Variants in ZNHIT6 observed in about 807,000 individuals in gnomAD.
The protein encoded by ZNHIT6 is box C/D snoRNA protein 1.
A neutral mutation model predicts 57.2 loss-of-function variants in ZNHIT6; 45 were observed. The observed-to-expected ratio is 0.79, with a 90% CI of 0.62 to 1.01. ZNHIT6 has a LOEUF of 1.01. ZNHIT6 is among the 50% of genes least tolerant of loss of function. The pLI is 0.00. For synonymous variants in ZNHIT6, 188 were observed against 190.0 expected (o/e 0.99, Z 0.09); for missense variants, 528 against 567.3 (o/e 0.93, Z 0.70).
At chr1:85,662,887 G>A (rs1661266745) in intron 8 of ZNHIT6, among the ~76,000 whole-genome samples, 1 of 152,236 alleles carries the variant, frequency 6.6e-6, no homozygotes, top group African/African-American at 2.4e-5. Flanking sequence ...CTATGGATGT[G>A]GTTAAATAAA....
chr1:85,666,539 G>C (rs1661375483), intron 8 of ZNHIT6, among the ~76,000 whole-genome samples: 1 of 151,886 alleles, frequency 6.6e-6, no homozygotes, highest in Non-Finnish European at 1.5e-5. Context: ...TCAAATACAG[G>C]CTCTCAAACT....
At chr1:85,655,742 A>G (rs994025688) in intron 9 of ZNHIT6, among the ~76,000 whole-genome samples, 1 of 152,182 alleles carries the variant, frequency 6.6e-6, no homozygotes, top group Non-Finnish European at 1.5e-5. Context: ...AAGGTAGGTA[A>G]TCAGCACTTA....
chr1:85,707,001 C>T (rs187260773), intron 1 of ZNHIT6, among the ~76,000 whole-genome samples: 1 of 152,270 alleles, frequency 6.6e-6, no homozygotes, highest in Admixed American at 6.5e-5. Flanking sequence ...TCTAGAAATG[C>T]CATGTAACCC....
chr1:85,705,827 C>T (rs1483856564), intron 4 of ZNHIT6, among the ~76,000 whole-genome samples: 1 of 152,076 alleles, frequency 6.6e-6, no homozygotes, highest in East Asian at 1.9e-4. Flanking sequence ...TCTCTTGAGC[C>T]TTCTTTATTT....
At chr1:85,679,402 T>C (rs1179320266) in intron 6 of ZNHIT6, among the ~76,000 whole-genome samples, 1 of 152,134 alleles carries the variant, frequency 6.6e-6, no homozygotes, top group Admixed American at 6.5e-5. Context: ...CTTTTCCTTG[T>C]ATGCAACTCC....
In ZNHIT6 at chr1:85,708,037, A is replaced by C. The variant is rs1307998200; in HGVS notation, c.248T>G (p.Ile83Arg). Residue 83 changes from isoleucine (I) to arginine (R), a missense_variant, in exon 1 of 10, where the codon ATA becomes AGA. Ile to Arg is a moderately conservative substitution (Grantham distance 97). Coordinates refer to ENST00000370574, the MANE Select transcript of ZNHIT6 (RefSeq NM_017953.4). ...MDLTVVKQEI[I>R]DWPGTEGRLA... ...CCTGCCTTCTGTACCTGGCCAGTCT[A>C]TAATTTCCTGCTTCACTACCGTTAG... is the stretch of plus-strand genomic sequence containing the variant. The C allele has an allele frequency of 1.2e-6, 2 of 1,614,020 alleles. No homozygotes were observed. The highest frequency in any genetic ancestry group is 1.7e-6 in the Non-Finnish European group (2 of 1,179,986).
rs918884093 is a variant in ZNHIT6, at chr1:85,657,275, T to G, written c.1372+572A>C. Among the ~76,000 whole-genome samples, 3 of 152,058 alleles carry G rather than the reference T, an allele frequency of 2.0e-5. No individual in the cohort carries two copies. In the South Asian group the frequency reaches 6.2e-4, roughly 32 times the overall value. ...ATATCACAAAATCAGAGAAACAAAA[T>G]CAGAGAAAATAAAACCAGTGGGTTT... is the stretch of plus-strand genomic sequence containing the variant. On this transcript the variant is annotated intron_variant, in intron 9 of 9. Coordinates refer to ENST00000370574, the MANE Select transcript of ZNHIT6 (RefSeq NM_017953.4).
At chr1:85,676,208 T>C (rs1416006319) in intron 8 of ZNHIT6, among the ~76,000 whole-genome samples, 3 of 151,960 alleles carry the variant, frequency 2.0e-5, no homozygotes, top group Non-Finnish European at 4.4e-5. Context: ...TGGTGGCACA[T>C]GCCTGTAATC....
Position 85,708,341 on chromosome 1 carries a change from A to C in ZNHIT6, c.-57T>G. 1.4e-5 allele frequency: 22 copies of C among 1,527,510 alleles called. No individual in the cohort carries two copies. The highest frequency in any genetic ancestry group is 1.9e-5 in the Non-Finnish European group (22 of 1,139,078). 94.6% of individuals were successfully genotyped at this position (1,527,510 alleles called of 1,614,324 possible). A position where few individuals can be genotyped will look rare whatever the true frequency, so the allele number is the denominator to read the frequency against. On this transcript the variant is annotated 5_prime_UTR_variant, in exon 1 of 10. Transcript: ENST00000370574. ...CTATCCTTCAATGTGGCTGCTGCAC[A>C]CCAATAGGAGGAATTACCGGTCGGA...
At position 85,653,631 on chromosome 1, in the gene ZNHIT6, C is replaced by T. The variant is rs1570276362; in HGVS notation, c.*427G>A. The T allele has an allele frequency of 1.3e-5, 2 of 153,148 alleles. No homozygotes were observed. Among genetic ancestry groups the T allele is most frequent in the South Asian group, 4.1e-4 (2 of 4,820 alleles). 9.5% of individuals were successfully genotyped at this position (153,148 alleles called of 1,614,324 possible). A position where few individuals can be genotyped will look rare whatever the true frequency, so the allele number is the denominator to read the frequency against. On this transcript the variant is annotated 3_prime_UTR_variant, in exon 10 of 10. Transcript: ENST00000370574. ...AAAAAAACAACAACAAAAAACTTAG[C>T]TGAGTGTGGTGGTACCAGCCTGTTG...
Position 85,681,443 on chromosome 1 carries a change from G to T in ZNHIT6, c.1020-539C>A, listed in dbSNP as rs1314747078. Among the ~76,000 whole-genome samples, 6 of 152,146 alleles carry T rather than the reference G, an allele frequency of 3.9e-5. No homozygotes were observed. In the East Asian group the frequency reaches 1.2e-3, roughly 29 times the overall value. ...AACAGCAATAACTCACTAAATGTCT[G>T]ATTTTAGAAAAATGACTATATTTAA... is the stretch of plus-strand genomic sequence containing the variant. On this transcript the variant is annotated intron_variant, in intron 5 of 9. Coordinates refer to ENST00000370574, the MANE Select transcript of ZNHIT6 (RefSeq NM_017953.4).
intron 4 of ZNHIT6, among the ~76,000 whole-genome samples, chr1:85,705,006 C>T (rs1480293898): frequency 2.0e-5 from 3 of 152,152 alleles, no homozygotes; most frequent in African/African-American, 7.2e-5. Context: ...CTAATCCCTT[C>T]CCAATAATTC....
At chr1:85,705,368 C>T (rs1183824013) in intron 4 of ZNHIT6, among the ~76,000 whole-genome samples, 1 of 152,052 alleles carries the variant, frequency 6.6e-6, no homozygotes, top group Admixed American at 6.6e-5. Context: ...GGGCACGCCA[C>T]CACGCCTGGC....
rs17128098 is a variant in ZNHIT6, at chr1:85,701,422, T to C, written c.1019+735A>G. Among the ~76,000 whole-genome samples the C allele has an allele frequency of 9.3e-3, 1,410 of 152,332 alleles. 57 individuals are homozygous for C. The highest frequency in any genetic ancestry group is 0.062 in the Admixed American group (954 of 15,294). On this transcript the variant is annotated intron_variant, in intron 5 of 9. Coordinates refer to ENST00000370574, the MANE Select transcript of ZNHIT6 (RefSeq NM_017953.4). The stretch of plus-strand genomic sequence containing the variant: ...AAATCTTGACTTCTGAAAGGTATTA[T>C]CTGATAATTTAGTTGGCTACTTAAA...
At chr1:85,681,264 C>T (rs1207933891) in intron 5 of ZNHIT6, among the ~76,000 whole-genome samples, 2 of 152,110 alleles carry the variant, frequency 1.3e-5, no homozygotes, top group African/African-American at 2.4e-5. Flanking sequence ...AAGTATTGTC[C>T]GGTTGAGTCC....
intron 6 of ZNHIT6, among the ~76,000 whole-genome samples, chr1:85,680,330 G>A (rs1426949397): frequency 1.3e-5 from 2 of 152,198 alleles, no homozygotes; most frequent in East Asian, 3.8e-4. Flanking sequence ...TGTATTTTCT[G>A]AGTGATACAC....
intron 8 of ZNHIT6, among the ~76,000 whole-genome samples, chr1:85,671,038 G>A (rs1355168616): frequency 3.3e-5 from 5 of 152,202 alleles, no homozygotes; most frequent in Non-Finnish European, 7.3e-5. Context: ...AAGATTTAAT[G>A]AGATGTGTAA....
intron 8 of ZNHIT6, among the ~76,000 whole-genome samples, chr1:85,665,663 C>A (rs1387906473): frequency 1.3e-5 from 2 of 152,092 alleles, no homozygotes; most frequent in African/African-American, 4.8e-5. Context: ...GATTTTAAAT[C>A]TTAATCTTTA....
chr1:85,678,492 A>G (rs1312191027), intron 7 of ZNHIT6, among the ~76,000 whole-genome samples: 2 of 152,196 alleles, frequency 1.3e-5, no homozygotes, highest in African/African-American at 4.8e-5. Flanking sequence ...GAATTAACAC[A>G]TTTATTACTG....
Sources: gnomAD v4.1 joint callset for allele counts (sites outside exome capture counted in the v4.1 genomes callset) on GRCh38, gnomAD v4.1.1 for gene constraint, MANE v1.5 for transcripts, NCBI Gene and HGNC (gene_info 2026-07-23, HGNC 2026-07-21) for gene names.